The following ITGA9 variants were observed in gnomAD, a reference collection of about 807,000 sequenced individuals.
The protein encoded by ITGA9 is integrin subunit alpha 9, also known as integrin alpha-9.
A neutral mutation model predicts 127.8 loss-of-function variants in ITGA9; 56 were observed. The observed-to-expected ratio is 0.44, with a 90% CI of 0.35 to 0.55. The LOEUF is 0.55. Ranked by LOEUF, ITGA9 falls within the 20% of genes least tolerant of loss-of-function variation. The pLI, the probability that ITGA9 is intolerant of heterozygous loss-of-function variation, is 0.00. For missense variants in ITGA9, 1,196 were observed against 1,347.1 expected (o/e 0.89, Z 1.76); for synonymous variants, 508 against 514.5 (o/e 0.99, Z 0.17).
At chr3:37,600,538 A>G (rs1366552562) in intron 15 of ITGA9, among the ~76,000 whole-genome samples, 1 of 152,148 alleles carries the variant, frequency 6.6e-6, no homozygotes, top group Admixed American at 6.5e-5. Flanking sequence ...GCGGTAGAGA[A>G]CAGCCAGGCA....
chr3:37,516,963 G>A (rs1392978149), intron 9 of ITGA9, among the ~76,000 whole-genome samples: 1 of 152,134 alleles, frequency 6.6e-6, no homozygotes, highest in Non-Finnish European at 1.5e-5. Flanking sequence ...GCACAGTGAC[G>A]TCTGCCATCA....
At chr3:37,747,754 G>A (rs1377388982) in intron 22 of ITGA9, among the ~76,000 whole-genome samples, 1 of 143,542 alleles carries the variant, frequency 7.0e-6, no homozygotes, top group African/African-American at 2.6e-5. Context: ...TTGAGGCAGT[G>A]TCTCACTGTC....
intron 20 of ITGA9, among the ~76,000 whole-genome samples, chr3:37,740,659 G>A (rs1443325472): frequency 1.3e-5 from 2 of 152,282 alleles, no homozygotes; most frequent in South Asian, 4.1e-4. Context: ...TCAAAGGTGG[G>A]TGCTCCATCT....
At chr3:37,560,111 C>A (rs1344985323) in intron 15 of ITGA9, among the ~76,000 whole-genome samples, 1 of 151,824 alleles carries the variant, frequency 6.6e-6, no homozygotes, top group East Asian at 1.9e-4. Flanking sequence ...AGCCCGCCAC[C>A]CCCCGACAGG....
chr3:37,609,412 C>T lies in ITGA9; in HGVS notation c.1690-19775C>T, dbSNP rs1451482858. On this transcript the variant is annotated intron_variant, in intron 15 of 27. Coordinates refer to ENST00000264741, the MANE Select transcript of ITGA9 (RefSeq NM_002207.3). Reference sequence around the variant, plus strand: ...CTTTGAAAACCTCATCACACTCTGCCCTGCTCAGAGTACAATCTAAATAAA... The same window carrying T: ...CTTTGAAAACCTCATCACACTCTGCTCTGCTCAGAGTACAATCTAAATAAA... Among the ~76,000 whole-genome samples the T allele has an allele frequency of 2.0e-5, 3 of 152,138 alleles. No individual in the cohort carries two copies. The East Asian group carries it at 5.8e-4, about 29-fold the overall frequency.
At chr3:37,523,991 C>T (rs1019123484) in intron 12 of ITGA9, among the ~76,000 whole-genome samples, 2 of 152,042 alleles carry the variant, frequency 1.3e-5, no homozygotes, top group African/African-American at 4.8e-5. Flanking sequence ...AGAGCAGCAC[C>T]CCCACCGCCC....
At chr3:37,778,450 T>C (rs891470423) in intron 24 of ITGA9, among the ~76,000 whole-genome samples, 3 of 151,998 alleles carry the variant, frequency 2.0e-5, no homozygotes, top group African/African-American at 7.3e-5. Flanking sequence ...AAACCCTGTA[T>C]CTACTAAAAA....
At chr3:37,532,973 A>G (rs1334367343) in intron 13 of ITGA9, among the ~76,000 whole-genome samples, 1 of 152,174 alleles carries the variant, frequency 6.6e-6, no homozygotes, top group Non-Finnish European at 1.5e-5. Context: ...ATGTATTCTT[A>G]TCTCCCTAAT....
At chr3:37,741,701 C>T (rs375560217) in intron 20 of ITGA9, 29 bp from the exon 21 acceptor site, 174 of 1,572,906 alleles carry the variant, frequency 1.1e-4, no homozygotes, top group African/African-American at 9.3e-4. Flanking sequence ...TGTTGGCCAG[C>T]GTTCATTCAT....
rs1226495610 is a variant in ITGA9, at chr3:37,806,032, C to T, written c.3009+2090C>T. 1 of 152,176 alleles carries T rather than the reference C, an allele frequency of 6.6e-6. No homozygotes were observed. The highest frequency in any genetic ancestry group is 1.5e-5 in the Non-Finnish European group (1 of 68,040). The allele number at this position is 152,176 out of a possible 1,614,324, so 9.4% of individuals were successfully genotyped here. ...GAAAGGTCATACCAATTCACCCTCCCACAAGCAGTGTATCAGAAATGTCTG... is the reference window on the plus strand; with the variant it reads ...GAAAGGTCATACCAATTCACCCTCCTACAAGCAGTGTATCAGAAATGTCTG... On this transcript the variant is annotated intron_variant, in intron 27 of 27. Transcript: ENST00000264741. The surrounding 1 kb of genome is among the most constrained non-coding windows in gnomAD (Gnocchi z 4.3).
chr3:37,550,511 T>C (rs1293812221), intron 15 of ITGA9, among the ~76,000 whole-genome samples: 1 of 152,196 alleles, frequency 6.6e-6, no homozygotes, highest in Non-Finnish European at 1.5e-5. Context: ...TTCCCTGGTG[T>C]AAATATTCTT....
chr3:37,701,248 C>G (rs911390825), intron 18 of ITGA9, among the ~76,000 whole-genome samples: 2 of 152,208 alleles, frequency 1.3e-5, no homozygotes, highest in Admixed American at 1.3e-4. Flanking sequence ...ATAATCTCTG[C>G]TATGGGCTCT....
chr3:37,744,174 A>G (rs1452583546), intron 22 of ITGA9, 140 bp downstream of exon 22: 6 of 717,102 alleles, frequency 8.4e-6, no homozygotes, highest in Non-Finnish European at 1.0e-5. Flanking sequence ...GAGATCTGTA[A>G]CCACACACAG....
intron 23 of ITGA9, chr3:37,753,798 A>T (rs2125539536): frequency 6.6e-6 from 1 of 152,292 alleles, no homozygotes; most frequent in East Asian, 1.9e-4. Flanking sequence ...TCCCTGTTTG[A>T]TACTAGAGTC....
chr3:37,718,807 G>A (rs1173289134), intron 18 of ITGA9, among the ~76,000 whole-genome samples: 2 of 152,166 alleles, frequency 1.3e-5, no homozygotes, highest in African/African-American at 4.8e-5. Context: ...ACACAGAGGG[G>A]CCTGCATCTG....
rs79624267 is a variant in ITGA9 at position 37,483,061 on chromosome 3, G to C, written c.544+1454G>C. Among the ~76,000 whole-genome samples, 767 of 152,280 alleles carry C rather than the reference G, an allele frequency of 5.0e-3. 7 individuals are homozygous for C. The highest frequency in any genetic ancestry group is 0.017 in the African/African-American group (705 of 41,544). ...AAAAGGAAAAGCCTCTGGAACAACC[G>C]GTGGGGCAGCTCTTCAGGCTGAGAA... On this transcript the variant is annotated intron_variant, in intron 4 of 27. Transcript: ENST00000264741.
intron 15 of ITGA9, among the ~76,000 whole-genome samples, chr3:37,549,048 G>A (rs1699354811): frequency 6.6e-6 from 1 of 152,218 alleles, no homozygotes. Flanking sequence ...TGGCACTAAG[G>A]AACCGGGAAG....
intron 18 of ITGA9, among the ~76,000 whole-genome samples, chr3:37,720,876 G>A (rs370144339): frequency 1.1e-4 from 17 of 152,304 alleles, no homozygotes; most frequent in East Asian, 3.9e-4. Context: ...CGTTAGGAAC[G>A]AGACAGCTTA....
chr3:37,534,288 T>C (rs1699187135), intron 14 of ITGA9, among the ~76,000 whole-genome samples: 1 of 152,286 alleles, frequency 6.6e-6, no homozygotes, highest in East Asian at 1.9e-4. Context: ...CGTTCTTAGA[T>C]ATTTTTAATG....
Sources: gnomAD v4.1 joint callset for allele counts (sites outside exome capture counted in the v4.1 genomes callset) on GRCh38, gnomAD v4.1.1 for gene constraint, Gnocchi (gnomAD v3.1) non-coding constraint, MANE v1.5 for transcripts, NCBI Gene and HGNC (gene_info 2026-07-23, HGNC 2026-07-21) for gene names.